The following INTS6 variants were observed in gnomAD, a reference collection of about 807,000 sequenced individuals.
The protein encoded by INTS6 is DEAD box protein.
In INTS6, 16 loss-of-function variants were observed where a neutral mutation model predicts 104.9. The observed-to-expected ratio is 0.15, with a 90% CI of 0.10 to 0.23. INTS6 has a LOEUF of 0.23. INTS6 is among the 10% of genes least tolerant of loss of function. The probability of loss-of-function intolerance (pLI) is 1.00; values close to 1 mark genes in which losing one functional copy is unlikely to be tolerated. For synonymous variants in INTS6, 324 were observed against 358.7 expected, an observed-to-expected ratio of 0.90 and a Z score of 1.09; for missense variants, 584 against 1,062.8, an observed-to-expected ratio of 0.55 and a Z score of 6.26.
At chr13:51,353,774 C>T (rs1164504069), downstream of INTS6, among the ~76,000 whole-genome samples, 1 of 152,106 alleles carries the variant, frequency 6.6e-6, no homozygotes, top group Non-Finnish European at 1.5e-5. Context: ...TCTTGTATAG[C>T]AATGAAGACC....
intron 4 of INTS6, among the ~76,000 whole-genome samples, chr13:51,425,607 A>T (rs1026193856): frequency 3.3e-5 from 5 of 152,114 alleles, no homozygotes; most frequent in African/African-American, 9.6e-5. Flanking sequence ...CTAAGAAAGT[A>T]CTGGCAGGAT....
At chr13:51,378,127 GAAGT>G (rs1955970136) in intron 12 of INTS6, 108 bp downstream of exon 12, 5 of 767,072 alleles carry the variant, frequency 6.5e-6, no homozygotes, top group Non-Finnish European at 1.1e-5. Context: ...CAAGAGTACA[GAAGT>G]ACTCTTTAAA....
rs1015093088 is a variant in INTS6 at position 51,371,281 on chromosome 13, T to C, written c.2105-1971A>G. ...AGCTTCTCTCTAAAGAACTTACACTTACACCTTCGCCTTTCACATCCAGAC... is the reference window on the plus strand; with the variant it reads ...AGCTTCTCTCTAAAGAACTTACACTCACACCTTCGCCTTTCACATCCAGAC... On this transcript the variant is annotated intron_variant, in intron 15 of 17. Transcript: ENST00000311234. Among the ~76,000 whole-genome samples the C allele has an allele frequency of 2.0e-5, 3 of 152,146 alleles. No individual in the cohort carries two copies. In the East Asian group the frequency reaches 5.8e-4, roughly 29 times the overall value.
chr13:51,378,693 A>T lies in INTS6; in HGVS notation c.1387-239T>A, dbSNP rs531469633. Among the ~76,000 whole-genome samples, 16 of 152,162 alleles carry T rather than the reference A, an allele frequency of 1.1e-4. No individual in the cohort carries two copies. In the South Asian group the frequency reaches 2.1e-3, roughly 20 times the overall value. The stretch of plus-strand genomic sequence containing the variant: ...TTGGAGCAGGACAAACACAATTTCA[A>T]TTTATTATTTTATTTATTAATACCC... On this transcript the variant is annotated intron_variant, in intron 11 of 17. Coordinates refer to ENST00000311234, the MANE Select transcript of INTS6 (RefSeq NM_012141.3).
downstream of INTS6, among the ~76,000 whole-genome samples, chr13:51,350,249 T>C (rs1955391571): frequency 6.6e-6 from 1 of 152,144 alleles, no homozygotes; most frequent in Admixed American, 6.5e-5. Context: ...CGAATTATGG[T>C]GTCTAGCTTC....
At chr13:51,390,798 T>C (rs1251298448) in intron 5 of INTS6, among the ~76,000 whole-genome samples, 1 of 152,068 alleles carries the variant, frequency 6.6e-6, no homozygotes, top group African/African-American at 2.4e-5. Flanking sequence ...ATTATAACCT[T>C]AACAAATATC....
chr13:51,363,647 TACA>T lies in INTS6; in HGVS notation c.*2102_*2104del, dbSNP rs901652244. On this transcript the variant is annotated 3_prime_UTR_variant, in exon 18 of 18. Coordinates refer to ENST00000311234, the MANE Select transcript of INTS6 (RefSeq NM_012141.3). Reference sequence around the variant, plus strand: ...TTCCCTTCCCCTTTGACAATAATTCTACAACAAGTATTCTAATTTAACTAATAT... The same window carrying T: ...TTCCCTTCCCCTTTGACAATAATTCTACAAGTATTCTAATTTAACTAATAT... 4.6e-5 allele frequency: 7 copies of T among 151,988 alleles called. No homozygotes were observed. The highest frequency in any genetic ancestry group is 7.4e-5 in the Non-Finnish European group (5 of 67,926). The allele number at this position is 151,988 out of a possible 1,614,324, so 9.4% of individuals were successfully genotyped here. A position where few individuals can be genotyped will look rare whatever the true frequency, so the allele number is the denominator to read the frequency against.
the INTS6 span, among the ~76,000 whole-genome samples, chr13:51,345,785 T>G: frequency 6.6e-6 from 1 of 152,248 alleles, no homozygotes; most frequent in African/African-American, 2.4e-5. Context: ...TTTAATTCCC[T>G]GCTCACATCC....
chr13:51,350,937 A>C (rs75229700), downstream of INTS6, among the ~76,000 whole-genome samples: 11,348 of 152,254 alleles, frequency 0.075, 547 homozygotes, highest in South Asian at 0.14. Flanking sequence ...GCTTCTTTGC[A>C]TAATATTTTC....
At chr13:51,340,757 A>AT in the INTS6 span, 1 of 368,316 alleles carries the variant, frequency 2.7e-6, no homozygotes, top group African/African-American at 2.0e-5. Flanking sequence ...TTTTCCCAAC[A>AT]TAATGCTTTG....
Position 51,450,891 on chromosome 13 carries a change from T to C in INTS6, c.339+134A>G, listed in dbSNP as rs146789937. On this transcript the variant is annotated intron_variant, in intron 3 of 17. Transcript: ENST00000311234. ...TATAGTAGGGTAAGAGTTTTGCCTT[T>C]GAACAATGTGCATATTCTATTTTAA... 47 of 1,309,394 alleles carry C rather than the reference T, an allele frequency of 3.6e-5. No individual in the cohort carries two copies. The African/African-American group carries it at 6.6e-4, about 19-fold the overall frequency. 81.1% of individuals were successfully genotyped at this position (1,309,394 alleles called of 1,614,324 possible). A position where few individuals can be genotyped will look rare whatever the true frequency, so the allele number is the denominator to read the frequency against.
At chr13:51,343,925 A>G in the INTS6 span, among the ~76,000 whole-genome samples, 1 of 152,176 alleles carries the variant, frequency 6.6e-6, no homozygotes, top group Admixed American at 6.5e-5. Context: ...ACTCCAACAC[A>G]CATCAACCTT....
chr13:51,361,387 C>T, downstream of INTS6: 1 of 1,421,208 alleles, frequency 7.0e-7, no homozygotes, highest in East Asian at 2.3e-5. Context: ...AATACCCAGT[C>T]ACACTGCTTA....
intron 4 of INTS6, among the ~76,000 whole-genome samples, chr13:51,403,182 T>A (rs1333862363): frequency 6.6e-6 from 1 of 152,200 alleles, no homozygotes; most frequent in Non-Finnish European, 1.5e-5. Flanking sequence ...TTTTAAAACA[T>A]CTTCAACTCA....
chr13:51,396,414 T>A (rs1956339398), intron 4 of INTS6, among the ~76,000 whole-genome samples: 1 of 152,186 alleles, frequency 6.6e-6, no homozygotes, highest in Admixed American at 6.5e-5. Flanking sequence ...ACCTGCTAAG[T>A]TAGAATCTTT....
chr13:51,339,147 T>C, the INTS6 span, among the ~76,000 whole-genome samples: 3 of 152,222 alleles, frequency 2.0e-5, no homozygotes, highest in Non-Finnish European at 4.4e-5. Flanking sequence ...AAGTTACATA[T>C]ATAAATTAGT....
At chr13:51,399,559 A>G (rs79875053) in intron 4 of INTS6, among the ~76,000 whole-genome samples, 4 of 152,160 alleles carry the variant, frequency 2.6e-5, no homozygotes, top group Admixed American at 6.5e-5. Flanking sequence ...CTGGATATGA[A>G]TATGTTTACT....
rs74321488 is a variant in INTS6, at chr13:51,389,725, A to C, written c.614-281T>G. On this transcript the variant is annotated intron_variant, in intron 5 of 17. Coordinates refer to ENST00000311234, the MANE Select transcript of INTS6 (RefSeq NM_012141.3). ...ATAGAATTCTTGGTCTGAACAAAAC[A>C]CATGAAAACAAGTCACATATTTTAT... Among the ~76,000 whole-genome samples, 38 of 152,324 alleles carry C rather than the reference A, an allele frequency of 2.5e-4. 1 individual carries two copies. The East Asian group carries it at 7.1e-3, about 29-fold the overall frequency.
chr13:51,439,996 T>C (rs1203476843), intron 3 of INTS6: 1 of 152,502 alleles, frequency 6.6e-6, no homozygotes, highest in Non-Finnish European at 1.5e-5. Flanking sequence ...CCCAGCACTT[T>C]GGGAGGCCGA....
Sources: allele counts gnomAD v4.1 joint callset (sites outside exome capture counted in the v4.1 genomes callset), GRCh38; gene constraint gnomAD v4.1.1; transcripts MANE v1.5; gene names NCBI Gene and HGNC (gene_info 2026-07-23, HGNC 2026-07-21).